REPS2: variants seen among roughly 807,000 people sequenced by gnomAD.
The protein encoded by REPS2 is ralBP1-associated Eps domain-containing protein 2.
Under a neutral mutation model 53.6 loss-of-function variants are expected in REPS2, and 23 were observed. That is an observed-to-expected ratio of 0.43 (90% CI 0.31 to 0.61). The LOEUF (loss-of-function observed/expected upper bound fraction) is 0.61, where lower values mean the gene tolerates loss of function less well. Ranked by LOEUF, REPS2 falls within the 20% of genes least tolerant of loss-of-function variation. The probability of loss-of-function intolerance (pLI) is 0.11; values close to 1 mark genes in which losing one functional copy is unlikely to be tolerated. For missense variants in REPS2, 446 were observed against 534.9 expected, an observed-to-expected ratio of 0.83 and a Z score of 1.64; for synonymous variants, 238 against 218.6, an observed-to-expected ratio of 1.09 and a Z score of -0.78.
intron 9 of REPS2, among the ~76,000 whole-genome samples, chrX:17,063,786 T>TA (rs2147958889): frequency 9.0e-6 from 1 of 111,059 alleles, no homozygotes; most frequent in Admixed American, 9.6e-5. Flanking sequence ...CCAGGATGGA[T>TA]ACATCTATGG....
At chrX:17,050,194 C>CTTTTCTTTTCTT (rs1555926833) in intron 6 of REPS2, among the ~76,000 whole-genome samples, 1 of 51,801 alleles carries the variant, frequency 1.9e-5, no homozygotes, top group Non-Finnish European at 3.1e-5. Context: ...TTCTTTCTTT[C>CTTTTCTTTTCTT]TTTTTTTTTT....
rs1393618793 is a variant in REPS2, at chrX:17,151,759, CT to C, written c.*4279del. On this transcript the variant is annotated 3_prime_UTR_variant, in exon 18 of 18. Transcript: ENST00000357277. ...TTTCCCACTGTGTTTAAAGAGAACA[CT>C]AGTAATTCTGGTTTTTCTTTCTAAC... The C allele has an allele frequency of 8.9e-6, 1 of 112,228 alleles. No individual in the cohort carries two copies. Among genetic ancestry groups the C allele is most frequent in the East Asian group, 2.8e-4 (1 of 3,588 alleles). 9.2% of individuals were successfully genotyped at this position (112,228 alleles called of 1,213,427 possible). A position where few individuals can be genotyped will look rare whatever the true frequency, so the allele number is the denominator to read the frequency against.
chrX:16,951,559 A>ACACACACACACACACACACCC (rs879259718), intron 1 of REPS2, among the ~76,000 whole-genome samples: 2 of 37,509 alleles, frequency 5.3e-5, no homozygotes, highest in Admixed American at 5.9e-4. Flanking sequence ...ACACACACAC[A>ACACACACACACACACACACCC]CCCCCGCTAC....
chrX:16,969,681 G>C (rs956409329), intron 1 of REPS2, among the ~76,000 whole-genome samples: 2 of 109,360 alleles, frequency 1.8e-5, no homozygotes, highest in South Asian at 4.0e-4. Flanking sequence ...CAGCAGTACA[G>C]TCCAGACTCC....
intron 5 of REPS2, among the ~76,000 whole-genome samples, chrX:17,042,218 C>G (rs1351454986): frequency 8.9e-6 from 1 of 111,771 alleles, no homozygotes; most frequent in Non-Finnish European, 1.9e-5. Context: ...TAGCAAACAT[C>G]TCTGCTCAGC....
At chrX:17,128,162 A>T (rs2063241064) in intron 14 of REPS2, among the ~76,000 whole-genome samples, 1 of 110,689 alleles carries the variant, frequency 9.0e-6, no homozygotes, top group Non-Finnish European at 1.9e-5. Context: ...TGAGATGAGG[A>T]TTCTTCAAAA....
chrX:17,180,725 C>T, the REPS2 span, among the ~76,000 whole-genome samples: 1 of 111,286 alleles, frequency 9.0e-6, no homozygotes, highest in Non-Finnish European at 1.9e-5. Flanking sequence ...AAAATCCTTT[C>T]GCCTACCACT....
At chrX:17,012,207 G>A (rs994082241) in intron 2 of REPS2, among the ~76,000 whole-genome samples, 2 of 109,466 alleles carry the variant, frequency 1.8e-5, no homozygotes, top group Admixed American at 9.9e-5. Context: ...GTGAAACCCC[G>A]TCTCTACTAA....
At chrX:17,083,077 C>CTTT (rs746229224) in intron 13 of REPS2, among the ~76,000 whole-genome samples, 71 of 80,557 alleles carry the variant, frequency 8.8e-4, no homozygotes, top group African/African-American at 2.5e-3. Flanking sequence ...GTTCCGAGCA[C>CTTT]TTTTTTTTTT....
At chrX:17,086,072 G>T (rs1263296780) in intron 13 of REPS2, among the ~76,000 whole-genome samples, 1 of 110,570 alleles carries the variant, frequency 9.0e-6, no homozygotes, top group Non-Finnish European at 1.9e-5. Context: ...TCTTCTCTCA[G>T]TCTTTTTTTT....
chrX:17,046,159 A>AT (rs112879575), intron 5 of REPS2, among the ~76,000 whole-genome samples: 174 of 98,064 alleles, frequency 1.8e-3, no homozygotes, highest in East Asian at 3.8e-3. Context: ...ATTTTTATTT[A>AT]TTTTTTTTTT....
chrX:17,129,799 T>G (rs2063268329), intron 14 of REPS2, among the ~76,000 whole-genome samples: 1 of 111,926 alleles, frequency 8.9e-6, no homozygotes, highest in Non-Finnish European at 1.9e-5. Flanking sequence ...CCTTGGATAT[T>G]TCCACAAGGA....
chrX:16,995,635 C>T (rs1326988787), intron 1 of REPS2, among the ~76,000 whole-genome samples: 1 of 112,066 alleles, frequency 8.9e-6, no homozygotes, highest in Non-Finnish European at 1.9e-5. Context: ...GAAACTCTGA[C>T]ACGGCTTGCC....
intron 16 of REPS2, 58 bp downstream of exon 16, chrX:17,135,464 A>T: frequency 5.3e-6 from 6 of 1,132,369 alleles, no homozygotes; most frequent in Non-Finnish European, 7.2e-6. Flanking sequence ...ATGTCGACGG[A>T]TATGTAAATG....
intron 1 of REPS2, among the ~76,000 whole-genome samples, chrX:16,968,460 C>T (rs1429039129): frequency 1.2e-4 from 13 of 108,501 alleles, no homozygotes; most frequent in African/African-American, 1.7e-4. Flanking sequence ...GGCGGCTGGC[C>T]GGGCGGGGGG....
the REPS2 span, among the ~76,000 whole-genome samples, chrX:17,183,891 A>G: frequency 9.0e-6 from 1 of 111,713 alleles, no homozygotes; most frequent in Non-Finnish European, 1.9e-5. Context: ...TTTGACTTGC[A>G]ATTTCCTTTG....
chrX:16,951,559 A>ACCCCC (rs74473321), intron 1 of REPS2, among the ~76,000 whole-genome samples: 17 of 37,505 alleles, frequency 4.5e-4, no homozygotes, highest in South Asian at 2.2e-3. Context: ...ACACACACAC[A>ACCCCC]CCCCCGCTAC....
At chrX:17,175,567 G>A in the REPS2 span, among the ~76,000 whole-genome samples, 2 of 112,018 alleles carry the variant, frequency 1.8e-5, no homozygotes, top group Non-Finnish European at 3.8e-5. Flanking sequence ...CCTCTCATTA[G>A]GGTTGTTGCC....
Position 17,149,006 on chromosome X carries a change from T to C in REPS2, c.*1525T>C, listed in dbSNP as rs185376230. Reference sequence around the variant, plus strand: ...TTAGTCCATTGGCAAGCTTTATCAATAGCTTAATGGCAGAGGATAAAGGCT... The same window carrying C: ...TTAGTCCATTGGCAAGCTTTATCAACAGCTTAATGGCAGAGGATAAAGGCT... On this transcript the variant is annotated 3_prime_UTR_variant, in exon 18 of 18. Coordinates refer to ENST00000357277, the MANE Select transcript of REPS2 (RefSeq NM_004726.3). 6.1e-4 allele frequency: 228 copies of C among 373,320 alleles called. 1 individual carries two copies. The highest frequency in any genetic ancestry group is 5.7e-3 in the African/African-American group (222 of 39,272). The allele number at this position is 373,320 out of a possible 1,213,427, so 30.8% of individuals were successfully genotyped here. A position where few individuals can be genotyped will look rare whatever the true frequency, so the allele number is the denominator to read the frequency against.
Sources: allele counts gnomAD v4.1 joint callset (sites outside exome capture counted in the v4.1 genomes callset), GRCh38; gene constraint gnomAD v4.1.1; transcripts MANE v1.5; gene names NCBI Gene and HGNC (gene_info 2026-07-23, HGNC 2026-07-21).